NRG1: variants seen among roughly 807,000 people sequenced by gnomAD.
NRG1 encodes pro-neuregulin-1, membrane-bound isoform.
In NRG1, 18 loss-of-function variants were observed where a neutral mutation model predicts 63.8. That is an observed-to-expected ratio of 0.28 (90% CI 0.19 to 0.42). The LOEUF (loss-of-function observed/expected upper bound fraction) is 0.42, where lower values mean the gene tolerates loss of function less well. NRG1 is among the 10% of genes least tolerant of loss of function. The pLI, the probability that NRG1 is intolerant of heterozygous loss-of-function variation, is 1.00. For missense variants in NRG1, 762 were observed against 814.7 expected (o/e 0.94, Z 0.79); for synonymous variants, 302 against 301.3 (o/e 1.00, Z -0.02).
intron 1 of NRG1, among the ~76,000 whole-genome samples, chr8:32,463,505 A>G (rs1197241700): frequency 6.6e-6 from 1 of 152,028 alleles, no homozygotes; most frequent in Non-Finnish European, 1.5e-5. Flanking sequence ...CTTTAAATCC[A>G]CCTGGCCTGA....
At chr8:31,985,583 A>G (rs1339466015) in intron 1 of NRG1, among the ~76,000 whole-genome samples, 1 of 151,338 alleles carries the variant, frequency 6.6e-6, no homozygotes, top group Non-Finnish European at 1.5e-5. Flanking sequence ...TTTTTTTTTT[A>G]CTTTAGATAC....
intron 1 of NRG1, among the ~76,000 whole-genome samples, chr8:31,835,840 A>G (rs1032146002): frequency 6.6e-6 from 1 of 152,134 alleles, no homozygotes; most frequent in Admixed American, 6.6e-5. Flanking sequence ...TGTTCAGTAG[A>G]ACTTTTTGGG....
chr8:31,727,993 C>T lies in NRG1; in HGVS notation c.37+88562C>T, dbSNP rs78203355. ...CTGGACAAAGGGATGATTCACGTCC[C>T]GGGTAGGAGGGGGCAGGACAGAGCG... is the stretch of plus-strand genomic sequence containing the variant. On this transcript the variant is annotated intron_variant, in intron 1 of 10. Transcript: ENST00000519301. Among the ~76,000 whole-genome samples, 836 of 152,186 alleles carry T rather than the reference C, an allele frequency of 5.5e-3. 11 individuals are homozygous for T. Among genetic ancestry groups the T allele is most frequent in the African/African-American group, 0.019 (805 of 41,534 alleles).
chr8:32,502,765 T>A (rs1381694988), intron 1 of NRG1, among the ~76,000 whole-genome samples: 1 of 152,084 alleles, frequency 6.6e-6, no homozygotes, highest in African/African-American at 2.4e-5. Context: ...TTACACATAT[T>A]TATTAGATTT....
chr8:31,807,948 C>CGTGTGT (rs71208141), intron 1 of NRG1, among the ~76,000 whole-genome samples: 7,055 of 137,098 alleles, frequency 0.051, 207 homozygotes, highest in Admixed American at 0.11. Flanking sequence ...AGAGTATTCG[C>CGTGTGT]GTGTGTGTGT....
chr8:31,942,495 A>G (rs986616350), intron 1 of NRG1, among the ~76,000 whole-genome samples: 27 of 152,192 alleles, frequency 1.8e-4, no homozygotes, highest in Non-Finnish European at 4.4e-5. Flanking sequence ...TTAAATGACC[A>G]AGAACCCAAA....
chr8:32,429,196 CAA>C (rs1031119729), intron 1 of NRG1, among the ~76,000 whole-genome samples: 1 of 151,954 alleles, frequency 6.6e-6, no homozygotes, highest in Non-Finnish European at 1.5e-5. Flanking sequence ...TTGTGATATA[CAA>C]AGTGTTTATC....
chr8:32,732,162 A>G (rs921264563), intron 6 of NRG1, among the ~76,000 whole-genome samples: 2 of 152,174 alleles, frequency 1.3e-5, no homozygotes, highest in Non-Finnish European at 2.9e-5. Context: ...CATCTTTTAT[A>G]TTTTGTTTCT....
chr8:31,724,127 C>A (rs1305112589), intron 1 of NRG1, among the ~76,000 whole-genome samples: 3 of 152,028 alleles, frequency 2.0e-5, no homozygotes, highest in African/African-American at 7.2e-5. Flanking sequence ...TGGTTCATGA[C>A]TGTCATACCA....
intron 1 of NRG1, among the ~76,000 whole-genome samples, chr8:32,164,287 G>GT (rs1839176312): frequency 6.6e-6 from 1 of 151,352 alleles, no homozygotes; most frequent in African/African-American, 2.4e-5. Context: ...GAATATATCT[G>GT]TCTTCAGTAT....
intron 1 of NRG1, among the ~76,000 whole-genome samples, chr8:32,494,924 C>T (rs1200385587): frequency 2.6e-5 from 4 of 152,178 alleles, no homozygotes; most frequent in Non-Finnish European, 4.4e-5. Context: ...TATACAAATT[C>T]TAGCCAGGGA....
intron 1 of NRG1, among the ~76,000 whole-genome samples, chr8:32,373,682 G>C (rs1392442219): frequency 1.3e-5 from 2 of 152,148 alleles, no homozygotes; most frequent in East Asian, 3.8e-4. Context: ...GGAGGATGAA[G>C]CAGGAGAATC....
intron 1 of NRG1, among the ~76,000 whole-genome samples, chr8:32,531,777 A>C (rs2129517977): frequency 6.6e-6 from 1 of 152,332 alleles, no homozygotes; most frequent in South Asian, 2.1e-4. Context: ...TAATACTTCT[A>C]CCTCATAGGG....
chr8:32,204,368 G>C lies in NRG1; in HGVS notation c.38-391460G>C, dbSNP rs757268772. Among the ~76,000 whole-genome samples, 2 of 152,118 alleles carry C rather than the reference G, an allele frequency of 1.3e-5. 1 individual carries two copies. The highest frequency in any genetic ancestry group is 4.1e-4 in the South Asian group (2 of 4,830). ...CAGCATGGTTTTACATGAACCTATC[G>C]TTTTGTTTAGTTTGTGGGTCAGGAC... On this transcript the variant is annotated intron_variant, in intron 1 of 10. Coordinates refer to the NRG1 transcript ENST00000519301.
At chr8:31,924,191 GAA>G (rs1283847147) in intron 1 of NRG1, among the ~76,000 whole-genome samples, 1 of 142,660 alleles carries the variant, frequency 7.0e-6, no homozygotes, top group African/African-American at 2.6e-5. Context: ...TGTCTCTACT[GAA>G]AAAAAAAAAA....
chr8:31,850,359 C>T lies in NRG1; in HGVS notation c.37+210928C>T, dbSNP rs550712054. Among the ~76,000 whole-genome samples, 5 of 152,168 alleles carry T rather than the reference C, an allele frequency of 3.3e-5. No individual in the cohort carries two copies. The South Asian group carries it at 1.0e-3, about 32-fold the overall frequency. On this transcript the variant is annotated intron_variant, in intron 1 of 10. Coordinates refer to the NRG1 transcript ENST00000519301. ...TGTTGTGTCTGCTTTTAATTCAGTC[C>T]CTACTCCTTGGTCAGAGCACTTAGG...
rs74395452 is a variant in NRG1, at chr8:31,698,472, C to T, written c.37+59041C>T. Among the ~76,000 whole-genome samples, 633 of 152,270 alleles carry T rather than the reference C, an allele frequency of 4.2e-3. 2 individuals carry two copies. Among genetic ancestry groups the T allele is most frequent in the South Asian group, 0.026 (127 of 4,820 alleles). On this transcript the variant is annotated intron_variant, in intron 1 of 10. Transcript: ENST00000519301. Reference sequence around the variant, plus strand: ...AAAGAGGAAGCTTCACTGTAATTTTCGTTTAGTGAAGAGCCCTTAGGCTAA... The same window carrying T: ...AAAGAGGAAGCTTCACTGTAATTTTTGTTTAGTGAAGAGCCCTTAGGCTAA...
intron 1 of NRG1, among the ~76,000 whole-genome samples, chr8:32,253,504 T>C (rs1849351059): frequency 6.6e-6 from 1 of 152,166 alleles, no homozygotes; most frequent in Non-Finnish European, 1.5e-5. Flanking sequence ...TATTGGTTTG[T>C]GTATGTTGAA....
intron 1 of NRG1, among the ~76,000 whole-genome samples, chr8:31,967,941 C>G (rs1464928830): frequency 6.6e-6 from 1 of 152,170 alleles, no homozygotes; most frequent in Non-Finnish European, 1.5e-5. Context: ...ACTGGTACAG[C>G]AGCCCCAGGC....
Sources: gnomAD v4.1 joint callset for allele counts (sites outside exome capture counted in the v4.1 genomes callset) on GRCh38, gnomAD v4.1.1 for gene constraint, MANE v1.5 for transcripts, NCBI Gene and HGNC (gene_info 2026-07-23, HGNC 2026-07-21) for gene names.